The following AOAH variants were observed in gnomAD, a reference collection of about 807,000 sequenced individuals.
The protein encoded by AOAH is acyloxyacyl hydrolase (neutrophil).
In AOAH, 64 loss-of-function variants were observed where a neutral mutation model predicts 92.2. That is an observed-to-expected ratio of 0.69 (90% CI 0.57 to 0.86). The LOEUF is 0.86. AOAH is among the 40% of genes least tolerant of loss of function. The pLI is 0.00. For synonymous variants in AOAH, 263 were observed against 254.5 expected (o/e 1.03, Z -0.32); for missense variants, 656 against 694.6 (o/e 0.94, Z 0.62).
intron 11 of AOAH, among the ~76,000 whole-genome samples, chr7:36,610,444 ATGG>A (rs1363146861): frequency 6.6e-6 from 1 of 150,650 alleles, no homozygotes; most frequent in Non-Finnish European, 1.5e-5. Context: ...AAAATTTAAG[ATGG>A]TGGGGTTATT....
intron 1 of AOAH, among the ~76,000 whole-genome samples, chr7:36,705,439 C>T (rs560670308): frequency 1.3e-5 from 2 of 152,020 alleles, no homozygotes; most frequent in South Asian, 2.1e-4. Context: ...ATGTGAAGAG[C>T]CTCTTCAAGG....
intron 11 of AOAH, among the ~76,000 whole-genome samples, chr7:36,598,705 T>C (rs773966688): frequency 2.0e-5 from 3 of 152,246 alleles, no homozygotes; most frequent in Non-Finnish European, 4.4e-5. Context: ...CATATTTTTT[T>C]TCCTTAGTAA....
intron 4 of AOAH, 95 bp downstream of exon 4, chr7:36,659,071 A>G (rs1584050798): frequency 2.0e-6 from 2 of 1,024,044 alleles, no homozygotes; most frequent in East Asian, 4.8e-5. Flanking sequence ...TGTCCCCAAA[A>G]CACTGAGCGA....
At chr7:36,680,403 T>C (rs554433211) in intron 2 of AOAH, among the ~76,000 whole-genome samples, 65 of 152,358 alleles carry the variant, frequency 4.3e-4, no homozygotes, top group Non-Finnish European at 4.0e-4. Context: ...TGTACTTTTT[T>C]AGCTTTGGAG....
intron 6 of AOAH, among the ~76,000 whole-genome samples, chr7:36,628,482 C>T (rs769037725): frequency 6.6e-5 from 10 of 152,152 alleles, no homozygotes; most frequent in Non-Finnish European, 1.2e-4. Flanking sequence ...TTGAGCTCCT[C>T]CTGCTAAGAA....
At chr7:36,677,897 G>T (rs1796352501) in intron 2 of AOAH, among the ~76,000 whole-genome samples, 1 of 152,172 alleles carries the variant, frequency 6.6e-6, no homozygotes, top group Non-Finnish European at 1.5e-5. Flanking sequence ...GCCCAAAACA[G>T]GCAAAGTCAT....
intron 15 of AOAH, among the ~76,000 whole-genome samples, chr7:36,542,554 T>C (rs1741990283): frequency 2.0e-5 from 3 of 152,206 alleles, no homozygotes; most frequent in South Asian, 2.1e-4. Flanking sequence ...TAAATGAATA[T>C]TGGCACTGCC....
chr7:36,543,623 A>T (rs1444759620), intron 15 of AOAH, among the ~76,000 whole-genome samples: 4 of 124,710 alleles, frequency 3.2e-5, no homozygotes, highest in Non-Finnish European at 5.3e-5. Context: ...TGCTAAACGA[A>T]GAATCTGAGC....
chr7:36,515,218 C>T (rs1392072940), intron 20 of AOAH, among the ~76,000 whole-genome samples: 1 of 137,740 alleles, frequency 7.3e-6, no homozygotes, highest in Non-Finnish European at 1.6e-5. Flanking sequence ...ACCACACACA[C>T]ACCACACACC....
At chr7:36,672,479 A>G (rs139182733) in intron 3 of AOAH, among the ~76,000 whole-genome samples, 2,392 of 152,354 alleles carry the variant, frequency 0.016, 58 homozygotes, top group African/African-American at 0.054. Flanking sequence ...CAGGACACGG[A>G]TGAAGCTGGA....
At chr7:36,544,084 C>A (rs79875110) in intron 15 of AOAH, among the ~76,000 whole-genome samples, 11,193 of 151,078 alleles carry the variant, frequency 0.074, 487 homozygotes, top group Non-Finnish European at 0.083. Flanking sequence ...GTAGCTAGGA[C>A]TACAGATGAG....
intron 13 of AOAH, among the ~76,000 whole-genome samples, chr7:36,567,968 G>A (rs1787830255): frequency 6.6e-6 from 1 of 152,216 alleles, no homozygotes; most frequent in African/African-American, 2.4e-5. Context: ...CATTAGAGTG[G>A]CTAAAGGCAG....
rs1435445907 is a variant in AOAH, at chr7:36,659,759, T to TC, written c.291-495_291-494insG. Among the ~76,000 whole-genome samples the TC allele has an allele frequency of 3.4e-5, 5 of 148,566 alleles. No homozygotes were observed. The East Asian group carries it at 7.8e-4, about 23-fold the overall frequency. ...AAACATATTTCTTTTTTCTTTCTTT[T>TC]TTTTTTTTTTTTTTCCTGCGAGAGG... On this transcript the variant is annotated intron_variant, in intron 3 of 20. Coordinates refer to ENST00000617537, the MANE Select transcript of AOAH (RefSeq NM_001637.4).
chr7:36,524,894 A>G (rs1271276508), intron 19 of AOAH, among the ~76,000 whole-genome samples: 7 of 152,112 alleles, frequency 4.6e-5, no homozygotes, highest in African/African-American at 1.7e-4. Context: ...TTTATAAGCC[A>G]CCCAGTTCAT....
intron 3 of AOAH, among the ~76,000 whole-genome samples, chr7:36,673,104 G>A (rs1796025511): frequency 1.3e-5 from 2 of 152,034 alleles, no homozygotes; most frequent in South Asian, 2.1e-4. Context: ...TTTGGGTGGT[G>A]GGTTCAGGAG....
rs1043672494 is a variant in AOAH, at chr7:36,675,975, C to A, written c.224-1966G>T. Among the ~76,000 whole-genome samples the A allele has an allele frequency of 2.0e-5, 3 of 152,118 alleles. No individual in the cohort carries two copies. In the East Asian group the frequency reaches 5.8e-4, roughly 29 times the overall value. ...AGGAATAAAAGGGAATGTCCTCAAC[C>A]TAATAAAGGTTATCTACAAAAAACC... On this transcript the variant is annotated intron_variant, in intron 2 of 20. Coordinates refer to ENST00000617537, the MANE Select transcript of AOAH (RefSeq NM_001637.4).
intron 1 of AOAH, among the ~76,000 whole-genome samples, chr7:36,720,904 A>C (rs75557952): frequency 0.053 from 8,015 of 152,188 alleles, 390 homozygotes; most frequent in East Asian, 0.14. Context: ...TTTTGTCAGA[A>C]AGTTGTTAGG....
intron 16 of AOAH, among the ~76,000 whole-genome samples, chr7:36,539,340 T>C (rs1412525732): frequency 6.6e-6 from 1 of 152,196 alleles, no homozygotes; most frequent in East Asian, 1.9e-4. Context: ...GTGCAGGTGC[T>C]GTCAATATGG....
At chr7:36,700,557 A>G (rs528005092) in intron 1 of AOAH, among the ~76,000 whole-genome samples, 27 of 152,178 alleles carry the variant, frequency 1.8e-4, no homozygotes, top group Middle Eastern at 3.4e-3. Flanking sequence ...ACATATATAC[A>G]CACCATACTT....
Sources: allele counts gnomAD v4.1 joint callset (sites outside exome capture counted in the v4.1 genomes callset), GRCh38; gene constraint gnomAD v4.1.1; transcripts MANE v1.5; gene names NCBI Gene and HGNC (gene_info 2026-07-23, HGNC 2026-07-21).